Variants in PKIB observed in about 807,000 individuals in gnomAD.
PKIB encodes the protein cAMP-dependent protein kinase inhibitor beta, also known as PKI-beta.
PKIB carries 2 observed loss-of-function variants against 4.5 expected under a neutral mutation model. That is an observed-to-expected ratio of 0.44 (90% CI 0.18 to 1.39). The LOEUF is 1.39. Ranked by LOEUF, PKIB falls within the 40% of genes most tolerant of loss-of-function variation. The probability of loss-of-function intolerance (pLI) is 0.27; values close to 1 mark genes in which losing one functional copy is unlikely to be tolerated. For missense variants in PKIB, 94 were observed against 92.6 expected (o/e 1.02, Z -0.06); for synonymous variants, 38 against 36.0 (o/e 1.06, Z -0.20).
chr6:122,650,182 T>C (rs1226035296), intron 2 of PKIB, among the ~76,000 whole-genome samples: 2 of 152,130 alleles, frequency 1.3e-5, no homozygotes, highest in Non-Finnish European at 2.9e-5. Context: ...AGGATATGTC[T>C]AACATGCCCC....
upstream of PKIB, among the ~76,000 whole-genome samples, chr6:122,609,299 C>G (rs1774652788): frequency 1.3e-5 from 2 of 152,332 alleles, no homozygotes; most frequent in East Asian, 1.9e-4. Flanking sequence ...TTGGAATCTT[C>G]TCAGCTATTT....
chr6:122,611,066 G>A (rs1774734095), intron 1 of PKIB, among the ~76,000 whole-genome samples: 3 of 152,224 alleles, frequency 2.0e-5, no homozygotes, highest in Admixed American at 2.0e-4. Context: ...ATATGGAGGT[G>A]GGTAGACCGA....
intron 2 of PKIB, among the ~76,000 whole-genome samples, chr6:122,513,186 G>C (rs1776640276): frequency 6.6e-6 from 1 of 152,106 alleles, no homozygotes; most frequent in Non-Finnish European, 1.5e-5. Context: ...CCACTGCCAT[G>C]TGCATACAGT....
chr6:122,509,725 C>T (rs1394128059), intron 2 of PKIB, among the ~76,000 whole-genome samples: 1 of 152,108 alleles, frequency 6.6e-6, no homozygotes, highest in East Asian at 1.9e-4. Flanking sequence ...GCCACCACAC[C>T]CAGCTTAAAA....
intron 3 of PKIB, chr6:122,701,376 A>G: frequency 1.5e-6 from 2 of 1,369,936 alleles, no homozygotes; most frequent in Admixed American, 4.0e-5. Flanking sequence ...CTCTAGCCTG[A>G]GCTCTGGTAA....
chr6:122,685,448 G>A (rs1190199250), intron 3 of PKIB, among the ~76,000 whole-genome samples: 2 of 152,060 alleles, frequency 1.3e-5, no homozygotes, highest in Non-Finnish European at 2.9e-5. Flanking sequence ...TATAAAAAAA[G>A]AAATACTCAA....
chr6:122,641,444 T>C (rs1292897503), intron 2 of PKIB, among the ~76,000 whole-genome samples: 1 of 152,172 alleles, frequency 6.6e-6, no homozygotes, highest in African/African-American at 2.4e-5. Context: ...TGCTGGGAAC[T>C]TTTGAAAATG....
chr6:122,696,874 T>TA (rs1778595920), intron 3 of PKIB, among the ~76,000 whole-genome samples: 2 of 152,172 alleles, frequency 1.3e-5, no homozygotes, highest in African/African-American at 4.8e-5. Context: ...CACTTCAGTC[T>TA]CCCTTTCATG....
At position 122,659,713 on chromosome 6, in the gene PKIB, C is replaced by T. The variant is rs1441357883; in HGVS notation, c.-75-15365C>T. 2.6e-5 allele frequency among the ~76,000 whole-genome samples: 4 copies of T among 152,198 alleles called. No individual in the cohort carries two copies. The East Asian group carries it at 7.7e-4, about 29-fold the overall frequency. ...AAACTGTAATTTAATAACTCTCAGT[C>T]TTGAGCTATTTTTCGGTAAAGTTGC... On this transcript the variant is annotated intron_variant, in intron 2 of 4. Transcript: ENST00000368452.
intron 1 of PKIB, among the ~76,000 whole-genome samples, chr6:122,472,563 A>G (rs1408179094): frequency 1.3e-5 from 2 of 152,120 alleles, no homozygotes; most frequent in Admixed American, 1.3e-4. Flanking sequence ...TTATTTTTTT[A>G]GAGTTATTTG....
At chr6:122,588,084 A>T (rs1773904642) in intron 3 of PKIB, among the ~76,000 whole-genome samples, 1 of 152,180 alleles carries the variant, frequency 6.6e-6, no homozygotes, top group Admixed American at 6.5e-5. Context: ...TGTTTTAGAC[A>T]TGAAGTCCTT....
At position 122,521,942 on chromosome 6, in the gene PKIB, C is replaced by T. The variant is rs559828132; in HGVS notation, c.-248+44003C>T. Among the ~76,000 whole-genome samples the T allele has an allele frequency of 2.6e-5, 4 of 152,098 alleles. No individual in the cohort carries two copies. In the South Asian group the frequency reaches 6.2e-4, roughly 24 times the overall value. ...CTACGGTCCTCATCTTCAAGGCTCT[C>T]GTCTCCTTTGCAAAACTTGAACTGC... On this transcript the variant is annotated intron_variant, in intron 2 of 6. Coordinates refer to the PKIB transcript ENST00000392491.
intron 3 of PKIB, among the ~76,000 whole-genome samples, chr6:122,588,065 T>A (rs1008007212): frequency 2.4e-4 from 36 of 152,176 alleles, no homozygotes; most frequent in Non-Finnish European, 4.4e-5. Flanking sequence ...TTGTTGCCAT[T>A]GCTTTTGGTG....
At chr6:122,604,569 GAATT>G (rs908805330) in intron 3 of PKIB, among the ~76,000 whole-genome samples, 2 of 152,210 alleles carry the variant, frequency 1.3e-5, no homozygotes, top group African/African-American at 2.4e-5. Context: ...GAAGTGATAA[GAATT>G]AGTTAGTTGG....
chr6:122,617,608 A>T (rs79108539), intron 1 of PKIB, among the ~76,000 whole-genome samples: 2,390 of 152,230 alleles, frequency 0.016, 30 homozygotes, highest in Non-Finnish European at 0.028. Flanking sequence ...ATTTATCCCA[A>T]CTTGATGAAA....
intron 2 of PKIB, among the ~76,000 whole-genome samples, chr6:122,573,887 C>A (rs1773449777): frequency 6.6e-6 from 1 of 152,178 alleles, no homozygotes; most frequent in African/African-American, 2.4e-5. Flanking sequence ...ACTTTCACCA[C>A]TTCTGTGCAA....
chr6:122,582,588 C>T (rs1582713385), intron 2 of PKIB, among the ~76,000 whole-genome samples: 2 of 152,044 alleles, frequency 1.3e-5, no homozygotes, highest in East Asian at 1.9e-4. Flanking sequence ...GATGGAGGGG[C>T]TAGACATATA....
intron 2 of PKIB, among the ~76,000 whole-genome samples, chr6:122,578,546 T>A (rs777561551): frequency 1.4e-4 from 22 of 152,302 alleles, no homozygotes; most frequent in Non-Finnish European, 7.4e-5. Flanking sequence ...ATTAAATTAT[T>A]TGCCTAGTTG....
intron 2 of PKIB, among the ~76,000 whole-genome samples, chr6:122,497,192 C>A (rs73768322): frequency 5.9e-5 from 9 of 152,226 alleles, no homozygotes; most frequent in African/African-American, 2.2e-4. Flanking sequence ...GAGTTTGTTA[C>A]CTCTAGACCA....
Sources: gnomAD v4.1 joint callset for allele counts (sites outside exome capture counted in the v4.1 genomes callset) on GRCh38, gnomAD v4.1.1 for gene constraint, MANE v1.5 for transcripts, NCBI Gene and HGNC (gene_info 2026-07-23, HGNC 2026-07-21) for gene names.